The following RERE variants were observed in gnomAD, a reference collection of about 807,000 sequenced individuals.
RERE encodes the protein arginine-glutamic acid dipeptide repeats protein.
RERE carries 40 observed loss-of-function variants against 146.1 expected under a neutral mutation model. That is an observed-to-expected ratio of 0.27 (90% CI 0.21 to 0.36). The LOEUF is 0.36. Among genes scored for constraint, RERE ranks in the 10% least tolerant of loss-of-function variants. The probability of loss-of-function intolerance (pLI) is 1.00; values close to 1 mark genes in which losing one functional copy is unlikely to be tolerated. For missense variants in RERE, 1,933 were observed against 2,138.7 expected (o/e 0.90, Z 1.90); for synonymous variants, 1,003 against 866.0 (o/e 1.16, Z -2.78).
At chr1:8,549,700 T>G (rs767615093) in intron 6 of RERE, among the ~76,000 whole-genome samples, 169 of 152,330 alleles carry the variant, frequency 1.1e-3, no homozygotes, top group Non-Finnish European at 2.0e-3. Flanking sequence ...TGAAGAAACC[T>G]GGCAGAAGCC....
intron 10 of RERE, among the ~76,000 whole-genome samples, chr1:8,488,655 C>A (rs960813288): frequency 6.6e-6 from 1 of 152,174 alleles, no homozygotes; most frequent in Admixed American, 6.5e-5. Context: ...AGCAGAAAGA[C>A]ACCCCTGAGG....
chr1:8,653,465 T>C (rs893955012), intron 2 of RERE, among the ~76,000 whole-genome samples: 26 of 152,128 alleles, frequency 1.7e-4, no homozygotes, highest in African/African-American at 6.3e-4. Flanking sequence ...CCCAGCACTT[T>C]GGGAGGCCGA....
At chr1:8,716,145 G>A (rs1415414423) in intron 1 of RERE, among the ~76,000 whole-genome samples, 2 of 148,824 alleles carry the variant, frequency 1.3e-5, no homozygotes, top group East Asian at 2.0e-4. Context: ...GCCCCATCTC[G>A]AGGGAAAAAA....
intron 4 of RERE, among the ~76,000 whole-genome samples, chr1:8,596,926 A>G (rs547741677): frequency 6.6e-6 from 1 of 152,238 alleles, no homozygotes; most frequent in Admixed American, 6.5e-5. Context: ...AATCCCCCTG[A>G]CCTGCAAGAA....
intron 6 of RERE, among the ~76,000 whole-genome samples, chr1:8,544,651 G>A (rs954277462): frequency 2.6e-5 from 4 of 152,194 alleles, no homozygotes; most frequent in Non-Finnish European, 5.9e-5. Flanking sequence ...GATCTTGAGG[G>A]AACTTCCTGA....
chr1:8,726,375 G>A (rs1029523378), intron 1 of RERE, among the ~76,000 whole-genome samples: 2 of 151,866 alleles, frequency 1.3e-5, no homozygotes, highest in African/African-American at 2.4e-5. Flanking sequence ...GGCTGGTCTC[G>A]AACTCCTGAC....
intron 4 of RERE, among the ~76,000 whole-genome samples, chr1:8,564,980 T>A (rs1189875913): frequency 6.6e-6 from 1 of 151,896 alleles, no homozygotes; most frequent in Non-Finnish European, 1.5e-5. Context: ...AAGCCAGGAA[T>A]TGAAAGACAA....
At position 8,558,052 on chromosome 1, in the gene RERE, T is replaced by C. The variant is rs530054509; in HGVS notation, c.523-529A>G. Among the ~76,000 whole-genome samples the C allele has an allele frequency of 2.6e-5, 4 of 152,276 alleles. No individual in the cohort carries two copies. In the South Asian group the frequency reaches 8.3e-4, roughly 32 times the overall value. On this transcript the variant is annotated intron_variant, in intron 4 of 22. Coordinates refer to ENST00000400908, the MANE Select transcript of RERE (RefSeq NM_001042681.2). Reference sequence around the variant, plus strand: ...TTCTCCTTCCACTGTTTAGCCACAGTTATTGTTAAGTGCCAAATGAATATA... The same window carrying C: ...TTCTCCTTCCACTGTTTAGCCACAGCTATTGTTAAGTGCCAAATGAATATA...
intron 3 of RERE, among the ~76,000 whole-genome samples, chr1:8,623,838 C>T (rs1232698236): frequency 6.6e-6 from 1 of 152,142 alleles, no homozygotes; most frequent in Non-Finnish European, 1.5e-5. Context: ...TTCTTTCAAC[C>T]GCTACCCCGG....
intron 2 of RERE, among the ~76,000 whole-genome samples, chr1:8,643,165 T>G (rs1278840474): frequency 6.6e-6 from 1 of 152,192 alleles, no homozygotes; most frequent in East Asian, 1.9e-4. Context: ...AAACAATTTC[T>G]GGATCAATTG....
At chr1:8,797,268 A>C (rs1569818468) in intron 1 of RERE, among the ~76,000 whole-genome samples, 1 of 152,246 alleles carries the variant, frequency 6.6e-6, no homozygotes, top group South Asian at 2.1e-4. Flanking sequence ...GTATGCTTTA[A>C]AAATAACTGT....
intron 7 of RERE, chr1:8,512,988 A>T (rs1210986839): frequency 6.6e-6 from 1 of 152,048 alleles, no homozygotes; most frequent in Admixed American, 6.6e-5. Flanking sequence ...TGGGCTGGGT[A>T]AATGTTTCTT....
chr1:8,523,766 T>A (rs1471978099), intron 7 of RERE, among the ~76,000 whole-genome samples: 1 of 152,154 alleles, frequency 6.6e-6, no homozygotes, highest in African/African-American at 2.4e-5. Context: ...CACCATCAAA[T>A]AGATGGCGGC....
At chr1:8,414,055 C>A (rs958609322) in intron 12 of RERE, among the ~76,000 whole-genome samples, 187 of 91,586 alleles carry the variant, frequency 2.0e-3, no homozygotes, top group Middle Eastern at 6.6e-3. Context: ...AACTCCATCT[C>A]AAAAAAAAAA....
At position 8,632,178 on chromosome 1, in the gene RERE, C is replaced by T. The variant is rs200970922; in HGVS notation, c.326-7798G>A. Among the ~76,000 whole-genome samples the T allele has an allele frequency of 2.6e-5, 4 of 152,336 alleles. No individual in the cohort carries two copies. The East Asian group carries it at 7.7e-4, about 29-fold the overall frequency. On this transcript the variant is annotated intron_variant, in intron 2 of 22. Transcript: ENST00000400908. ...ATCAATGCAAAGAGTCCAAACACTT[C>T]TAGAACATTGTGCCCAGTATTTATA...
At chr1:8,398,603 G>A (rs997020914) in intron 12 of RERE, among the ~76,000 whole-genome samples, 12 of 152,044 alleles carry the variant, frequency 7.9e-5, no homozygotes, top group African/African-American at 2.2e-4. Context: ...TTTATCATGC[G>A]TATTTATGTT....
intron 12 of RERE, among the ~76,000 whole-genome samples, chr1:8,373,126 A>G (rs891794279): frequency 3.3e-5 from 5 of 152,342 alleles, no homozygotes; most frequent in Non-Finnish European, 7.3e-5. Flanking sequence ...CCTTGTACGC[A>G]CCTGACCCCA....
At chr1:8,427,503 G>A (rs369366722) in intron 11 of RERE, among the ~76,000 whole-genome samples, 2 of 151,964 alleles carry the variant, frequency 1.3e-5, no homozygotes, top group East Asian at 1.9e-4. Flanking sequence ...CAACTTGAAC[G>A]TTTCACAGGT....
intron 1 of RERE, among the ~76,000 whole-genome samples, chr1:8,748,453 G>A (rs1640467686): frequency 6.6e-6 from 1 of 152,134 alleles, no homozygotes; most frequent in South Asian, 2.1e-4. Flanking sequence ...GCTGTATCTT[G>A]CATAACCCTC....
Sources: allele counts gnomAD v4.1 joint callset (sites outside exome capture counted in the v4.1 genomes callset), GRCh38; gene constraint gnomAD v4.1.1; transcripts MANE v1.5; gene names NCBI Gene and HGNC (gene_info 2026-07-23, HGNC 2026-07-21).